The following SMC6 variants were observed in gnomAD, a reference collection of about 807,000 sequenced individuals.
SMC6 encodes the protein structural maintenance of chromosomes protein 6.
SMC6 carries 79 observed loss-of-function variants against 142.2 expected under a neutral mutation model. That is an observed-to-expected ratio of 0.56 (90% CI 0.46 to 0.67). SMC6 has a LOEUF of 0.67. Among genes scored for constraint, SMC6 ranks in the 30% least tolerant of loss-of-function variants. The pLI is 0.00. For missense variants in SMC6, 1,072 were observed against 1,284.0 expected (o/e 0.83, Z 2.52); for synonymous variants, 411 against 412.4 (o/e 1.00, Z 0.04).
chr2:17,672,657 G>C (rs1486278334), intron 25 of SMC6, among the ~76,000 whole-genome samples: 1 of 152,100 alleles, frequency 6.6e-6, no homozygotes, highest in Non-Finnish European at 1.5e-5. Flanking sequence ...TTCATATGTA[G>C]AGGTTACACA....
intron 5 of SMC6, among the ~76,000 whole-genome samples, chr2:17,733,488 T>C (rs1423415594): frequency 1.3e-5 from 2 of 152,252 alleles, no homozygotes; most frequent in Non-Finnish European, 2.9e-5. Context: ...ATAGCTTTGA[T>C]AAATGCATCT....
At chr2:17,670,123 T>A (rs965802069) in intron 26 of SMC6, among the ~76,000 whole-genome samples, 3 of 152,164 alleles carry the variant, frequency 2.0e-5, no homozygotes, top group African/African-American at 7.2e-5. Flanking sequence ...ATTTATGGGT[T>A]GATGAAAATA....
rs532708695 is a variant in SMC6 at position 17,720,936 on chromosome 2, T to C, written c.945+4A>G. 5 of 1,610,870 alleles carry C rather than the reference T, an allele frequency of 3.1e-6. No homozygotes were observed. In the East Asian group the frequency reaches 1.1e-4, roughly 36 times the overall value. On this transcript the variant is annotated splice_donor_region_variant and intron_variant, in intron 11 of 27. Coordinates refer to ENST00000448223, the MANE Select transcript of SMC6 (RefSeq NM_001142286.2). ...TTAAATCTGCATTTAAAAACTGTAA[T>C]TACCTGCTGTTCTTCCATTTTCCTG...
intron 25 of SMC6, 54 bp downstream of exon 25, chr2:17,678,805 A>G (rs1396417487): frequency 5.2e-6 from 7 of 1,338,008 alleles, no homozygotes; most frequent in Non-Finnish European, 7.3e-6. Context: ...ATAGAAAAGA[A>G]AAGAAACAAC....
intron 17 of SMC6, 59 bp downstream of exon 17, chr2:17,708,580 T>C: frequency 1.2e-6 from 1 of 824,770 alleles, no homozygotes; most frequent in East Asian, 3.1e-5. Flanking sequence ...TATATAATTA[T>C]CTTCAGTTTT....
At position 17,715,078 on chromosome 2, in the gene SMC6, G is replaced by T; in HGVS notation, c.1526-13C>A. The T allele has an allele frequency of 6.2e-7, 1 of 1,608,986 alleles. No individual in the cohort carries two copies. Among genetic ancestry groups the T allele is most frequent in the Non-Finnish European group, 8.5e-7 (1 of 1,178,600 alleles). On this transcript the variant is annotated splice_polypyrimidine_tract_variant and intron_variant, in intron 15 of 27. Transcript: ENST00000448223. ...TGAATGCAAGCTCCTAAAAGTGAGA[G>T]AAAATTACAGAAGGGCTCATAAATA...
At chr2:17,735,338 C>G (rs1447613684) in intron 5 of SMC6, among the ~76,000 whole-genome samples, 2 of 152,014 alleles carry the variant, frequency 1.3e-5, no homozygotes, top group African/African-American at 2.4e-5. Flanking sequence ...TTTCTCAACT[C>G]AGGAACAATC....
intron 12 of SMC6, among the ~76,000 whole-genome samples, chr2:17,717,447 G>A (rs2002412): frequency 0.29 from 43,325 of 151,336 alleles, 6,681 homozygotes; most frequent in Middle Eastern, 0.34. Flanking sequence ...CAAGGTGGGC[G>A]GATCACGAGG....
chr2:17,712,732 A>C (rs1043330333), intron 16 of SMC6, among the ~76,000 whole-genome samples: 1 of 152,232 alleles, frequency 6.6e-6, no homozygotes, highest in Non-Finnish European at 1.5e-5. Flanking sequence ...TTTTAAATTT[A>C]GCATTTGAAC....
In SMC6 at chr2:17,707,282, C is replaced by T. The variant is rs1240655084; in HGVS notation, c.1943G>A (p.Arg648His). Residue 648 changes from arginine to histidine, a missense_variant, in exon 18 of 28, where the codon CGT becomes CAT. By Grantham distance (29) the Arg-to-His change is conservative (BLOSUM62 0). Coordinates refer to ENST00000448223, the MANE Select transcript of SMC6 (RefSeq NM_001142286.2). ...TCTTGTATTTTCAGATGAATAATAA[C>T]GTCCTGCAAAAACTTGATCACCATC... ...TADGDQVFAG[R>H]YYSSENTRPK... 2 of 1,602,182 alleles carry T rather than the reference C, an allele frequency of 1.2e-6. No individual in the cohort carries two copies. Among genetic ancestry groups the T allele is most frequent in the Non-Finnish European group, 1.7e-6 (2 of 1,174,902 alleles).
intron 20 of SMC6, 79 bp from the exon 21 acceptor site, chr2:17,700,457 G>A (rs1668214069): frequency 8.5e-7 from 1 of 1,175,830 alleles, no homozygotes; most frequent in Non-Finnish European, 1.2e-6. Flanking sequence ...AAATAATTCT[G>A]AGAGAGGAGA....
chr2:17,713,297 C>A, intron 16 of SMC6: 1 of 331,568 alleles, frequency 3.0e-6, no homozygotes, highest in South Asian at 2.3e-5. Context: ...AGCTTCCTCT[C>A]TCATTCTCCT....
intron 18 of SMC6, among the ~76,000 whole-genome samples, chr2:17,706,397 C>T (rs1446846900): frequency 6.6e-6 from 1 of 152,256 alleles, no homozygotes; most frequent in South Asian, 2.1e-4. Flanking sequence ...AACTTTCCAA[C>T]ATCCATTATG....
chr2:17,669,406 G>A (rs1340918638), intron 26 of SMC6, among the ~76,000 whole-genome samples: 2 of 152,212 alleles, frequency 1.3e-5, no homozygotes, highest in African/African-American at 4.8e-5. Flanking sequence ...TAGTAGTTTT[G>A]GGGACTGTGA....
intron 18 of SMC6, among the ~76,000 whole-genome samples, chr2:17,704,690 T>C (rs913824210): frequency 1.3e-5 from 2 of 152,190 alleles, no homozygotes; most frequent in African/African-American, 4.8e-5. Flanking sequence ...ATTTCCTTTT[T>C]ACTGGTACAT....
chr2:17,684,232 G>T (rs1471343616), intron 23 of SMC6, among the ~76,000 whole-genome samples: 1 of 152,162 alleles, frequency 6.6e-6, no homozygotes, highest in African/African-American at 2.4e-5. Context: ...GCTACTCAGA[G>T]TGCTATTACA....
At chr2:17,721,616 T>C (rs910230520) in intron 9 of SMC6, among the ~76,000 whole-genome samples, 19 of 152,062 alleles carry the variant, frequency 1.2e-4, no homozygotes, top group Non-Finnish European at 2.2e-4. Flanking sequence ...GCAGAGTCAA[T>C]AGGCATTCCA....
intron 26 of SMC6, 95 bp downstream of exon 26, chr2:17,670,328 T>A (rs894975590): frequency 6.5e-5 from 83 of 1,271,130 alleles, no homozygotes; most frequent in Non-Finnish European, 8.5e-5. Flanking sequence ...ATCTTTCCTG[T>A]TAGGGGTAAA....
At position 17,731,820 on chromosome 2, in the gene SMC6, A is replaced by T. The variant is rs1012257675; in HGVS notation, c.402T>A (p.Ser134Arg). 14 of 1,613,688 alleles carry T rather than the reference A, an allele frequency of 8.7e-6. No homozygotes were observed. The highest frequency in any genetic ancestry group is 1.2e-5 in the Non-Finnish European group (14 of 1,179,834). Residue 134 changes from serine (S) to arginine (R), a missense_variant, in exon 6 of 28, where the codon AGT (serine) becomes AGA (arginine). By Grantham distance (110) the Ser-to-Arg change is moderately radical (BLOSUM62 -1). Coordinates refer to ENST00000448223, the MANE Select transcript of SMC6 (RefSeq NM_001142286.2). ...RNRGDDAFKA[S>R]VYGNSILIQQ... is the part of the protein sequence containing the mutation. ...GTATAAGTATAGAGTTACCATACACACTGGCTTTAAAGGCATCATCTCCTC... is the reference window on the plus strand; with the variant it reads ...GTATAAGTATAGAGTTACCATACACTCTGGCTTTAAAGGCATCATCTCCTC...
Sources: allele counts gnomAD v4.1 joint callset (sites outside exome capture counted in the v4.1 genomes callset), GRCh38; gene constraint gnomAD v4.1.1; transcripts MANE v1.5; gene names NCBI Gene and HGNC (gene_info 2026-07-23, HGNC 2026-07-21).